CTTN: variants seen among roughly 807,000 people sequenced by gnomAD.
CTTN encodes src substrate cortactin.
In CTTN, 28 loss-of-function variants were observed where a neutral mutation model predicts 84.0. The ratio of observed to expected loss-of-function variants is 0.33; its 90% CI spans 0.25 to 0.46. CTTN has a LOEUF of 0.46. Among genes scored for constraint, CTTN ranks in the 20% least tolerant of loss-of-function variants. The pLI is 1.00. For missense variants in CTTN, 641 were observed against 723.8 expected, an observed-to-expected ratio of 0.89 and a Z score of 1.31; for synonymous variants, 301 against 288.8, an observed-to-expected ratio of 1.04 and a Z score of -0.43.
rs1171047082 is a variant in CTTN at position 70,435,505 on chromosome 11, C to T, written c.*343C>T. 4 of 1,558,882 alleles carry T rather than the reference C, an allele frequency of 2.6e-6. No individual in the cohort carries two copies. Among genetic ancestry groups the T allele is most frequent in the Non-Finnish European group, 3.4e-6 (4 of 1,159,508 alleles). ...CATTCTCTTGTGTTCGTGTTGCCCT[C>T]GTGCCCATCAAGTGCAGTCGGGACC... On this transcript the variant is annotated 3_prime_UTR_variant, in exon 18 of 18. Coordinates refer to ENST00000301843, the MANE Select transcript of CTTN (RefSeq NM_005231.4).
At chr11:70,423,830 G>C (rs1482089608) in intron 12 of CTTN, among the ~76,000 whole-genome samples, 1 of 152,246 alleles carries the variant, frequency 6.6e-6, no homozygotes, top group Non-Finnish European at 1.5e-5. Flanking sequence ...CGTGGCCCCA[G>C]AAAGGTTAGC....
intron 4 of CTTN, chr11:70,408,380 G>T (rs73516271): frequency 0.01 from 1,561 of 152,274 alleles, 29 homozygotes; most frequent in African/African-American, 0.036. Context: ...TTATTTTGTT[G>T]TTAAAGATTT....
chr11:70,406,112 C>A (rs763247247), intron 2 of CTTN, among the ~76,000 whole-genome samples: 1 of 152,230 alleles, frequency 6.6e-6, no homozygotes, highest in Non-Finnish European at 1.5e-5. Context: ...TCTTGCCATG[C>A]TTTGGGCATT....
rs969028365 is a variant in CTTN, at chr11:70,421,507, G to T, written c.828G>T (p.Gln276His). The T allele has an allele frequency of 8.1e-6, 13 of 1,614,026 alleles. No individual in the cohort carries two copies. Among genetic ancestry groups the T allele is most frequent in the Non-Finnish European group, 9.3e-6 (11 of 1,180,012 alleles). The change falls in exon 11 of 18, where the codon CAG becomes CAT. Residue 276 changes from glutamine to histidine, a missense_variant. Coordinates refer to ENST00000301843, the MANE Select transcript of CTTN (RefSeq NM_005231.4). ...GTTTTGGAGGCAAATTCGGTGTTCA[G>T]TCGGAGAGGCAGGACTCCGCTGCTG... ...KTGFGGKFGVQSERQDSAAVG... is the reference protein window; with the variant it reads ...KTGFGGKFGVHSERQDSAAVG...
rs561620411 is a variant in CTTN, at chr11:70,425,410, C to T, written c.1027+9C>T. 7.3e-5 allele frequency: 117 copies of T among 1,606,032 alleles called. No homozygotes were observed. In the South Asian group the frequency reaches 1.2e-3, roughly 16 times the overall value. ...AGTACCTGTCGAAGCTGGTGAGTCC[C>T]GGCTGATACCAGGAGCACCGTGTGG... On this transcript the variant is annotated intron_variant, in intron 13 of 17. Transcript: ENST00000301843.
intron 2 of CTTN, among the ~76,000 whole-genome samples, chr11:70,406,705 A>G (rs1440975010): frequency 6.6e-6 from 1 of 152,308 alleles, no homozygotes; most frequent in Middle Eastern, 3.4e-3. Context: ...GTGGCATTTT[A>G]TATTCCTGTT....
At chr11:70,401,850 A>C (rs931898929) in intron 1 of CTTN, among the ~76,000 whole-genome samples, 2 of 151,550 alleles carry the variant, frequency 1.3e-5, no homozygotes, top group South Asian at 4.2e-4. Flanking sequence ...AAAAAAGAAA[A>C]AAAAGGCTGG....
intron 4 of CTTN, among the ~76,000 whole-genome samples, chr11:70,408,957 T>A (rs750810404): frequency 1.1e-4 from 16 of 152,120 alleles, no homozygotes; most frequent in Admixed American, 4.6e-4. Context: ...GGAGGGTGGC[T>A]TGGAGAAAAA....
intron 11 of CTTN, 30 bp downstream of exon 11, chr11:70,421,610 C>T (rs1279782942): frequency 2.6e-6 from 4 of 1,511,404 alleles, no homozygotes; most frequent in Non-Finnish European, 3.7e-6. Flanking sequence ...CCTACCCTCC[C>T]CCCGACCCTC....
At chr11:70,422,105 G>A (rs2058243242) in intron 11 of CTTN, 1 of 222,188 alleles carries the variant, frequency 4.5e-6, no homozygotes, top group African/African-American at 2.3e-5. Flanking sequence ...TTTTTTGTTT[G>A]TTCTGTTTGA....
At chr11:70,429,740 C>T (rs2058334999) in intron 14 of CTTN, among the ~76,000 whole-genome samples, 2 of 152,178 alleles carry the variant, frequency 1.3e-5, no homozygotes, top group Non-Finnish European at 2.9e-5. Flanking sequence ...CTGGCAGGGG[C>T]GGAGCACGAG....
At chr11:70,429,594 T>C (rs1297890810) in intron 14 of CTTN, among the ~76,000 whole-genome samples, 2 of 151,972 alleles carry the variant, frequency 1.3e-5, no homozygotes, top group Non-Finnish European at 2.9e-5. Flanking sequence ...AGGTGGAAGT[T>C]TGGGGTTTGG....
At chr11:70,432,257 C>T (rs1476922766) in intron 15 of CTTN, among the ~76,000 whole-genome samples, 7 of 152,182 alleles carry the variant, frequency 4.6e-5, no homozygotes, top group South Asian at 2.1e-4. Context: ...TGGCAGCCAG[C>T]GCCATCTGCC....
intron 7 of CTTN, 194 bp from the exon 8 acceptor site, chr11:70,416,819 C>G (rs1193227504): frequency 3.5e-6 from 2 of 564,284 alleles, no homozygotes; most frequent in South Asian, 2.2e-5. Flanking sequence ...GGCCCAGAAC[C>G]CCCCCATGCA....
chr11:70,420,487 T>G lies in CTTN; in HGVS notation c.767T>G (p.Leu256Trp). 1 of 1,613,988 alleles carries G rather than the reference T, an allele frequency of 6.2e-7. No individual in the cohort carries two copies. The change falls in exon 10 of 18, where the codon TTG (leucine) becomes TGG (tryptophan). Residue 256 changes from leucine to tryptophan, a missense_variant. Physicochemically the swap from Leu to Trp is moderately conservative, Grantham distance 61. This residue lies in a region of CTTN where 284 missense variants were observed against 348.4 expected (regional missense o/e 0.82). Transcript: ENST00000301843. ...CALGWDHQEK[L>W]QLHESQKDYK... ...CTTGGCTGGGATCACCAGGAGAAATTGCAGCTGCATGAATCCCAAAAAGGT... is the reference window on the plus strand; with the variant it reads ...CTTGGCTGGGATCACCAGGAGAAATGGCAGCTGCATGAATCCCAAAAAGGT...
Position 70,431,237 on chromosome 11 carries a change from C to G in CTTN, c.1223C>G (p.Pro408Arg), listed in dbSNP as rs983669027. 2 of 1,614,200 alleles carry G rather than the reference C, an allele frequency of 1.2e-6. No homozygotes were observed. Among genetic ancestry groups the G allele is most frequent in the Non-Finnish European group, 1.7e-6 (2 of 1,180,040 alleles). The change falls in exon 15 of 18, where the codon CCT becomes CGT. Residue 408 changes from proline (P) to arginine (R), a missense_variant. By Grantham distance (103) the Pro-to-Arg change is moderately radical. This residue lies in a region of CTTN where 289 missense variants were observed against 273.1 expected (regional missense o/e 1.06). Coordinates refer to ENST00000301843, the MANE Select transcript of CTTN (RefSeq NM_005231.4). ...CAAACGCCCCCTGTGTCGCCCGCAC[C>G]TCAGCCAACCGAGGAGAGGCTGCCC... The part of the protein sequence containing the change: ...KTQTPPVSPA[P>R]QPTEERLPSS...
chr11:70,412,641 C>G (rs1031760461), intron 5 of CTTN, among the ~76,000 whole-genome samples: 7 of 152,332 alleles, frequency 4.6e-5, no homozygotes, highest in East Asian at 1.9e-4. Flanking sequence ...TCTGTTTATG[C>G]TGGGGCCTGA....
In CTTN at chr11:70,429,203, A is replaced by G. The variant is rs114597496; in HGVS notation, c.1176+4A>G. 10,869 of 1,609,790 alleles carry G rather than the reference A, an allele frequency of 6.8e-3. 636 individuals are homozygous for G. In the African/African-American group the frequency reaches 0.13, roughly 19 times the overall value. ...AGAGGCCAGGAGGAAGCTGGAGGTG[A>G]GTGGCAAGGAGTGGGCCGCAGCGCA... On this transcript the variant is annotated splice_donor_region_variant and intron_variant, in intron 14 of 17. Transcript: ENST00000301843.
At chr11:70,407,209 T>C (rs1482761173) in intron 2 of CTTN, 89 bp from the exon 3 acceptor site, 1 of 1,060,646 alleles carries the variant, frequency 9.4e-7, no homozygotes, top group Non-Finnish European at 1.4e-6. Context: ...TTGCCTAGAA[T>C]CTCGGTAGTT....
Sources: allele counts gnomAD v4.1 joint callset (sites outside exome capture counted in the v4.1 genomes callset), GRCh38; gene constraint gnomAD v4.1.1; regional missense constraint gnomAD v4.1.1; transcripts MANE v1.5; gene names NCBI Gene and HGNC (gene_info 2026-07-23, HGNC 2026-07-21).